COG6: variants seen among roughly 807,000 people sequenced by gnomAD.
The protein encoded by COG6 is component of oligomeric golgi complex 6.
Under a neutral mutation model 88.8 loss-of-function variants are expected in COG6, and 74 were observed. The ratio of observed to expected loss-of-function variants is 0.83; its 90% CI spans 0.69 to 1.01. The LOEUF (loss-of-function observed/expected upper bound fraction) is 1.01. Ranked by LOEUF, COG6 falls within the 50% of genes least tolerant of loss-of-function variation. COG6 has a pLI of 0.00. For synonymous variants in COG6, 286 were observed against 278.7 expected (o/e 1.03, Z -0.26); for missense variants, 800 against 797.9 (o/e 1.00, Z -0.03).
chr13:39,657,936 T>C (rs961168158), intron 1 of COG6, among the ~76,000 whole-genome samples: 6 of 152,216 alleles, frequency 3.9e-5, no homozygotes, highest in Non-Finnish European at 7.3e-5. Context: ...GGATACTGAT[T>C]GACGTCATAG....
intron 18 of COG6, among the ~76,000 whole-genome samples, chr13:39,767,650 G>A (rs1881205382): frequency 6.6e-6 from 1 of 152,214 alleles, no homozygotes; most frequent in South Asian, 2.1e-4. Context: ...CAGGGAAGGA[G>A]CAGAAGATGT....
chr13:39,749,027 TG>T (rs562115482), intron 18 of COG6, among the ~76,000 whole-genome samples: 78 of 152,388 alleles, frequency 5.1e-4, no homozygotes, highest in African/African-American at 1.9e-3. Flanking sequence ...GAATGTGTTC[TG>T]TTGATGATGA....
intron 18 of COG6, among the ~76,000 whole-genome samples, chr13:39,763,536 CAAAT>C (rs762644673): frequency 3.3e-5 from 5 of 151,654 alleles, no homozygotes; most frequent in African/African-American, 7.2e-5. Context: ...TTTTAAATAA[CAAAT>C]AAGTATTGAA....
chr13:39,670,453 A>G (rs1254811595), intron 4 of COG6, among the ~76,000 whole-genome samples: 10 of 152,084 alleles, frequency 6.6e-5, no homozygotes, highest in Non-Finnish European at 1.5e-4. Context: ...CAAAAATCTG[A>G]ATCTTAATCG....
chr13:39,668,867 T>G (rs1471965623), intron 4 of COG6, among the ~76,000 whole-genome samples: 1 of 152,006 alleles, frequency 6.6e-6, no homozygotes, highest in African/African-American at 2.4e-5. Context: ...AAAGGTAACA[T>G]TTTACAGAAC....
intron 18 of COG6, among the ~76,000 whole-genome samples, chr13:39,740,155 A>T (rs918996467): frequency 2.0e-5 from 3 of 152,228 alleles, no homozygotes; most frequent in Admixed American, 2.0e-4. Flanking sequence ...CTAGTGTAAC[A>T]GGTTAATCTG....
At chr13:39,679,941 A>G (rs531034286) in intron 6 of COG6, 34 bp from the exon 7 acceptor site, 22 of 1,160,008 alleles carry the variant, frequency 1.9e-5, no homozygotes, top group Middle Eastern at 2.1e-4. Flanking sequence ...TCTGTTGACT[A>G]AAGTTTAAAT....
At chr13:39,658,331 G>T (rs191287528) in intron 1 of COG6, among the ~76,000 whole-genome samples, 2 of 151,714 alleles carry the variant, frequency 1.3e-5, no homozygotes, top group Admixed American at 1.3e-4. Context: ...TTTTTATAGA[G>T]ATAGGGGTCT....
At chr13:39,677,824 C>A in intron 5 of COG6, among the ~76,000 whole-genome samples, 1 of 152,158 alleles carries the variant, frequency 6.6e-6, no homozygotes, top group East Asian at 1.9e-4. Context: ...ACCTCTAGGT[C>A]TTTTGTCAAC....
At chr13:39,702,835 G>A (rs1024285615) in intron 13 of COG6, among the ~76,000 whole-genome samples, 5 of 152,054 alleles carry the variant, frequency 3.3e-5, no homozygotes, top group African/African-American at 7.2e-5. Context: ...TAGTGAAGTC[G>A]TTGGTGAAAA....
At chr13:39,748,714 C>T (rs777553214) in intron 18 of COG6, among the ~76,000 whole-genome samples, 2 of 152,094 alleles carry the variant, frequency 1.3e-5, no homozygotes, top group South Asian at 2.1e-4. Flanking sequence ...AAAGGTAGTA[C>T]AACCAGTAGC....
intron 1 of COG6, chr13:39,656,258 A>G: frequency 2.1e-6 from 1 of 465,134 alleles, no homozygotes; most frequent in Non-Finnish European, 4.3e-6. Context: ...GATGCAAAAG[A>G]GCAGATTCCA....
chr13:39,767,702 G>T (rs558311647), intron 18 of COG6, among the ~76,000 whole-genome samples: 11 of 152,128 alleles, frequency 7.2e-5, no homozygotes, highest in Admixed American at 1.3e-4. Flanking sequence ...AGACTTGTGC[G>T]GCTGCTTGGA....
intron 18 of COG6, among the ~76,000 whole-genome samples, chr13:39,743,540 C>T (rs1880166737): frequency 6.6e-6 from 1 of 152,104 alleles, no homozygotes; most frequent in Non-Finnish European, 1.5e-5. Flanking sequence ...TACACCCTCC[C>T]AAGACTAAAC....
chr13:39,703,118 A>G (rs1409039305), intron 13 of COG6, among the ~76,000 whole-genome samples: 1 of 152,130 alleles, frequency 6.6e-6, no homozygotes, highest in Non-Finnish European at 1.5e-5. Flanking sequence ...CTCCAACATC[A>G]GGAAAGCCCC....
intron 10 of COG6, among the ~76,000 whole-genome samples, chr13:39,689,425 G>C (rs570924508): frequency 6.6e-6 from 1 of 152,166 alleles, no homozygotes; most frequent in Non-Finnish European, 1.5e-5. Flanking sequence ...ATACATCTTG[G>C]CATCACTTCA....
At chr13:39,770,586 G>A (rs192041849) in intron 18 of COG6, among the ~76,000 whole-genome samples, 93 of 152,226 alleles carry the variant, frequency 6.1e-4, no homozygotes, top group African/African-American at 2.0e-3. Flanking sequence ...TCCATAGTAC[G>A]TGTTTATCGT....
At chr13:39,728,549 T>A (rs1879261684) in intron 18 of COG6, among the ~76,000 whole-genome samples, 1 of 152,072 alleles carries the variant, frequency 6.6e-6, no homozygotes, top group African/African-American at 2.4e-5. Flanking sequence ...ATTTAATTTT[T>A]TTTTGTGACC....
intron 5 of COG6, among the ~76,000 whole-genome samples, chr13:39,678,722 T>C (rs1392379565): frequency 6.6e-6 from 1 of 152,086 alleles, no homozygotes; most frequent in Non-Finnish European, 1.5e-5. Context: ...TCACTGAGTG[T>C]CTCTGAGTAG....
Sources: gnomAD v4.1 joint callset for allele counts (sites outside exome capture counted in the v4.1 genomes callset) on GRCh38, gnomAD v4.1.1 for gene constraint, MANE v1.5 for transcripts, NCBI Gene and HGNC (gene_info 2026-07-23, HGNC 2026-07-21) for gene names.